Variants in PRUNE2 observed in about 807,000 individuals in gnomAD.
The protein encoded by PRUNE2 is prune homolog 2 with BCH domain, also known as protein prune homolog 2.
A neutral mutation model predicts 252.0 loss-of-function variants in PRUNE2; 164 were observed. The ratio of observed to expected loss-of-function variants is 0.65; its 90% confidence interval spans 0.57 to 0.74. The LOEUF is 0.74. PRUNE2 is among the 30% of genes least tolerant of loss of function. The pLI is 0.00. For synonymous variants in PRUNE2, 1,292 were observed against 1,350.2 expected, an observed-to-expected ratio of 0.96 and a Z score of 0.94; for missense variants, 3,495 against 3,711.0, an observed-to-expected ratio of 0.94 and a Z score of 1.51.
chr9:76,690,493 G>A (rs980645976), intron 9 of PRUNE2, among the ~76,000 whole-genome samples: 14 of 152,182 alleles, frequency 9.2e-5, no homozygotes, highest in African/African-American at 2.7e-4. Context: ...TAGCTAGAAA[G>A]GGTGAAGTTA....
chr9:76,789,877 G>A (rs1382770899), intron 6 of PRUNE2, among the ~76,000 whole-genome samples: 1 of 152,122 alleles, frequency 6.6e-6, no homozygotes, highest in Non-Finnish European at 1.5e-5. Context: ...GGGCTGGGCA[G>A]GGGATTCTTC....
intron 9 of PRUNE2, among the ~76,000 whole-genome samples, chr9:76,693,429 A>G (rs1488794487): frequency 7.7e-6 from 1 of 129,230 alleles, no homozygotes; most frequent in East Asian, 2.6e-4. Context: ...AAGAGATGTT[A>G]GCACCTACTC....
rs767204355 is a variant in PRUNE2 at position 76,707,387 on chromosome 9, A to G, written c.4887T>C (p.Val1629=). ...ATAAAGAGGAAAAGGAATCACCATC[A>G]ACTGAGTCATTCCAGATCTCTAAAA... ...PTFLEIWNDS[V]DGDSFSSLSS... The change falls in exon 8 of 19, where the codon GTT becomes GTC. Residue 1629 remains valine (V), a synonymous_variant. Transcript: ENST00000376718. The G allele has an allele frequency of 1.2e-6, 2 of 1,613,882 alleles. No homozygotes were observed. Among genetic ancestry groups the G allele is most frequent in the Non-Finnish European group, 1.7e-6 (2 of 1,179,766 alleles).
chr9:76,860,499 G>A (rs2060490031), intron 1 of PRUNE2, among the ~76,000 whole-genome samples: 2 of 152,154 alleles, frequency 1.3e-5, no homozygotes, highest in African/African-American at 4.8e-5. Flanking sequence ...GGAGTCAGTT[G>A]GCAGATTTCC....
intron 6 of PRUNE2, among the ~76,000 whole-genome samples, chr9:76,762,397 G>A (rs953350102): frequency 7.9e-5 from 12 of 152,180 alleles, no homozygotes; most frequent in Non-Finnish European, 1.0e-4. Flanking sequence ...AGAAATGTGC[G>A]CAGAGAGAGC....
At chr9:76,670,985 A>G (rs1450351356) in intron 9 of PRUNE2, among the ~76,000 whole-genome samples, 4 of 152,178 alleles carry the variant, frequency 2.6e-5, no homozygotes, top group African/African-American at 9.7e-5. Flanking sequence ...AAACTCTAAA[A>G]AGCAGAGCGC....
intron 6 of PRUNE2, among the ~76,000 whole-genome samples, chr9:76,727,756 C>A (rs2048242115): frequency 8.1e-6 from 1 of 123,470 alleles, no homozygotes; most frequent in East Asian, 2.4e-4. Flanking sequence ...ACTTTGTCAC[C>A]CAGGCTGGAG....
chr9:76,710,841 G>C lies in PRUNE2; in HGVS notation c.1433C>G (p.Ala478Gly), dbSNP rs761914077. Reference sequence around the variant, plus strand: ...TTCTCCAGACCATGCATGTTCCTCCGCCACCGCCCCTTCAGGGATGGGGCT... The same window carrying C: ...TTCTCCAGACCATGCATGTTCCTCCCCCACCGCCCCTTCAGGGATGGGGCT... ...SYSPIPEGAV[A>G]EEHAWSGEHG... Residue 478 changes from alanine to glycine, a missense_variant, in exon 8 of 19, where the codon GCG becomes GGG. Physicochemically the swap from Ala to Gly is moderately conservative, Grantham distance 60. Transcript: ENST00000376718. 2 of 1,545,678 alleles carry C rather than the reference G, an allele frequency of 1.3e-6. No homozygotes were observed. The highest frequency in any genetic ancestry group is 2.7e-5 in the African/African-American group (2 of 72,908).
chr9:76,695,534 T>C (rs150245400), intron 9 of PRUNE2, among the ~76,000 whole-genome samples: 329 of 152,148 alleles, frequency 2.2e-3, no homozygotes, highest in Non-Finnish European at 4.0e-3. Context: ...ACACTGAAAA[T>C]GGGTAACTAT....
At chr9:76,637,871 G>A (rs1840824093) in intron 13 of PRUNE2, among the ~76,000 whole-genome samples, 1 of 152,148 alleles carries the variant, frequency 6.6e-6, no homozygotes, top group South Asian at 2.1e-4. Context: ...ATGAAGTCAG[G>A]TTATAGTCAG....
chr9:76,718,005 G>A (rs2047312261), intron 6 of PRUNE2, among the ~76,000 whole-genome samples: 1 of 151,726 alleles, frequency 6.6e-6, no homozygotes, highest in African/African-American at 2.4e-5. Context: ...TAAGGTGTAG[G>A]TCCCAAGAAT....
At chr9:76,890,792 G>A (rs1267408638) in intron 1 of PRUNE2, among the ~76,000 whole-genome samples, 1 of 152,046 alleles carries the variant, frequency 6.6e-6, no homozygotes, top group Non-Finnish European at 1.5e-5. Flanking sequence ...AGTTTTCAGG[G>A]CAAGTATCAA....
chr9:76,752,494 G>A (rs1304577315), intron 6 of PRUNE2, among the ~76,000 whole-genome samples: 1 of 151,894 alleles, frequency 6.6e-6, no homozygotes, highest in African/African-American at 2.4e-5. Context: ...ATGACCACAT[G>A]AGATGTTCAT....
chr9:76,630,593 T>C (rs1428532088), intron 15 of PRUNE2, among the ~76,000 whole-genome samples: 1 of 152,186 alleles, frequency 6.6e-6, no homozygotes, highest in Non-Finnish European at 1.5e-5. Flanking sequence ...GGCACGATCT[T>C]GGCTCACTGC....
intron 1 of PRUNE2, among the ~76,000 whole-genome samples, chr9:76,855,252 AC>A (rs1375589291): frequency 2.6e-5 from 4 of 151,898 alleles, no homozygotes; most frequent in Non-Finnish European, 5.9e-5. Context: ...ACTATCCAAT[AC>A]AGATAATTGT....
intron 12 of PRUNE2, among the ~76,000 whole-genome samples, chr9:76,642,185 T>C (rs1304741695): frequency 6.6e-6 from 1 of 152,160 alleles, no homozygotes; most frequent in East Asian, 1.9e-4. Context: ...TTTGCTTTTA[T>C]TTATGCAGAT....
intron 6 of PRUNE2, among the ~76,000 whole-genome samples, chr9:76,741,904 C>T (rs1011687605): frequency 3.9e-5 from 6 of 152,168 alleles, no homozygotes; most frequent in Admixed American, 6.5e-5. Context: ...CCCAGATAGT[C>T]GTGGCTCACC....
intron 9 of PRUNE2, among the ~76,000 whole-genome samples, chr9:76,698,272 C>T (rs1412414031): frequency 6.6e-6 from 1 of 152,066 alleles, no homozygotes; most frequent in Non-Finnish European, 1.5e-5. Flanking sequence ...GTCTCAAACT[C>T]GTGACCTCAG....
At chr9:76,798,512 C>T (rs2056294979) in intron 6 of PRUNE2, among the ~76,000 whole-genome samples, 1 of 152,198 alleles carries the variant, frequency 6.6e-6, no homozygotes, top group South Asian at 2.1e-4. Context: ...TGTTATACAA[C>T]ATTTTGTTTA....
Sources: allele counts gnomAD v4.1 joint callset (sites outside exome capture counted in the v4.1 genomes callset), GRCh38; gene constraint gnomAD v4.1.1; transcripts MANE v1.5; gene names NCBI Gene and HGNC (gene_info 2026-07-23, HGNC 2026-07-21).